PTPRD: variants seen among roughly 807,000 people sequenced by gnomAD.
PTPRD encodes the protein receptor-type tyrosine-protein phosphatase delta.
A neutral mutation model predicts 214.5 loss-of-function variants in PTPRD; 34 were observed. The ratio of observed to expected loss-of-function variants is 0.16; its 90% CI spans 0.12 to 0.21. The LOEUF is 0.21. PTPRD is among the 10% of genes least tolerant of loss of function. The probability of loss-of-function intolerance (pLI) is 1.00; values close to 1 mark genes in which losing one functional copy is unlikely to be tolerated. For synonymous variants in PTPRD, 1,128 were observed against 845.7 expected (o/e 1.33, Z -5.79); for missense variants, 2,545 against 2,398.7 (o/e 1.06, Z -1.27).
intron 11 of PTPRD, among the ~76,000 whole-genome samples, chr9:8,842,181 T>C (rs2097571885): frequency 6.6e-6 from 1 of 151,908 alleles, no homozygotes; most frequent in African/African-American, 2.4e-5. Context: ...ACGCTCCCTG[T>C]AGGAGGTGAC....
intron 11 of PTPRD, among the ~76,000 whole-genome samples, chr9:8,745,726 A>G (rs2092719343): frequency 6.6e-6 from 1 of 152,222 alleles, no homozygotes; most frequent in African/African-American, 2.4e-5. Flanking sequence ...ACACATGTTT[A>G]TACCACCTTA....
intron 11 of PTPRD, among the ~76,000 whole-genome samples, chr9:8,915,037 A>G (rs781437681): frequency 6.6e-6 from 1 of 152,194 alleles, no homozygotes; most frequent in Non-Finnish European, 1.5e-5. Flanking sequence ...GAACTATAAA[A>G]CATCTAGTGT....
At chr9:9,888,801 G>A (rs778848325) in intron 5 of PTPRD, among the ~76,000 whole-genome samples, 3 of 152,022 alleles carry the variant, frequency 2.0e-5, no homozygotes, top group African/African-American at 7.2e-5. Context: ...AATGGACTAA[G>A]ACAGATAGGG....
intron 11 of PTPRD, among the ~76,000 whole-genome samples, chr9:8,762,774 G>A (rs2154477821): frequency 6.6e-6 from 1 of 152,300 alleles, no homozygotes; most frequent in East Asian, 1.9e-4. Context: ...TTATGGCAGG[G>A]AGAAATTTTT....
intron 5 of PTPRD, among the ~76,000 whole-genome samples, chr9:9,790,799 G>A (rs1450146142): frequency 1.3e-5 from 2 of 152,056 alleles, no homozygotes; most frequent in Non-Finnish European, 2.9e-5. Context: ...TGTTTCAGTA[G>A]TTGCCTAGAA....
intron 11 of PTPRD, among the ~76,000 whole-genome samples, chr9:8,974,027 G>A (rs1220539911): frequency 2.0e-5 from 3 of 152,028 alleles, no homozygotes; most frequent in Non-Finnish European, 4.4e-5. Context: ...TCTGTCCATA[G>A]TTTCTTTTGT....
chr9:9,681,867 A>C (rs546645096), intron 7 of PTPRD, among the ~76,000 whole-genome samples: 29 of 151,856 alleles, frequency 1.9e-4, no homozygotes, highest in Non-Finnish European at 3.4e-4. Context: ...CAGAACATAG[A>C]ATCTGTTGAC....
chr9:9,091,357 G>C (rs2099775571), intron 10 of PTPRD: 3 of 709,318 alleles, frequency 4.2e-6, no homozygotes, highest in Admixed American at 4.2e-5. Flanking sequence ...TTCTGGAACT[G>C]TACATTTCTG....
chr9:9,785,005 A>T (rs1207981492), intron 5 of PTPRD, among the ~76,000 whole-genome samples: 1 of 151,720 alleles, frequency 6.6e-6, no homozygotes, highest in African/African-American at 2.4e-5. Flanking sequence ...CGGTTTAGCT[A>T]AAAACATGTT....
intron 12 of PTPRD, among the ~76,000 whole-genome samples, chr9:8,659,085 A>G (rs977484154): frequency 2.7e-5 from 4 of 150,058 alleles, no homozygotes; most frequent in African/African-American, 9.8e-5. Flanking sequence ...AAAAAAAAAA[A>G]GTGACAAAAT....
At chr9:9,054,873 G>T (rs1162452379) in intron 10 of PTPRD, among the ~76,000 whole-genome samples, 1 of 152,048 alleles carries the variant, frequency 6.6e-6, no homozygotes, top group African/African-American at 2.4e-5. Context: ...TTGTGCAAGG[G>T]AACACAAAGA....
intron 8 of PTPRD, among the ~76,000 whole-genome samples, chr9:9,475,792 GT>G (rs2146786654): frequency 6.6e-6 from 1 of 152,302 alleles, no homozygotes; most frequent in South Asian, 2.1e-4. Flanking sequence ...TAAGTCTTGT[GT>G]GTGACTTGGC....
chr9:10,464,358 C>G (rs1300288199), intron 2 of PTPRD, among the ~76,000 whole-genome samples: 1 of 149,246 alleles, frequency 6.7e-6, no homozygotes, highest in Non-Finnish European at 1.5e-5. Context: ...CCAGCCTGAG[C>G]GATGGAGTGA....
At chr9:10,372,561 G>A (rs2097648172) in intron 2 of PTPRD, among the ~76,000 whole-genome samples, 1 of 151,948 alleles carries the variant, frequency 6.6e-6, no homozygotes, top group African/African-American at 2.4e-5. Flanking sequence ...TCATACCCAT[G>A]ACATTTTCTA....
chr9:8,540,456 T>C (rs973536913), intron 14 of PTPRD, among the ~76,000 whole-genome samples: 2 of 152,036 alleles, frequency 1.3e-5, no homozygotes, highest in African/African-American at 2.4e-5. Context: ...TGAACAAAAT[T>C]GAGTGATAAC....
chr9:9,915,587 T>C (rs1469151835), intron 5 of PTPRD, among the ~76,000 whole-genome samples: 2 of 147,714 alleles, frequency 1.4e-5, no homozygotes, highest in Non-Finnish European at 3.0e-5. Context: ...TTCAATTAAT[T>C]TAAAAAAATA....
chr9:10,091,017 C>T (rs988071705), intron 3 of PTPRD, among the ~76,000 whole-genome samples: 1 of 150,358 alleles, frequency 6.7e-6, no homozygotes, highest in Non-Finnish European at 1.5e-5. Context: ...CCATTTCTGA[C>T]ATTAGTCGCT....
chr9:8,484,107 C>T lies in PTPRD; in HGVS notation c.3413+12G>A, dbSNP rs1380664474. 1 of 1,609,906 alleles carries T rather than the reference C, an allele frequency of 6.2e-7. No individual in the cohort carries two copies. Among genetic ancestry groups the T allele is most frequent in the Non-Finnish European group, 8.5e-7 (1 of 1,176,702 alleles). ...ATTCTTTCCTTCAGCCCTAAGCCTTCAATCAACTTACTTTATATTCTCATT... is the reference window on the plus strand; with the variant it reads ...ATTCTTTCCTTCAGCCCTAAGCCTTTAATCAACTTACTTTATATTCTCATT... On this transcript the variant is annotated intron_variant, in intron 30 of 45. Coordinates refer to ENST00000381196, the MANE Select transcript of PTPRD (RefSeq NM_002839.4).
intron 35 of PTPRD, among the ~76,000 whole-genome samples, chr9:8,425,669 G>GTT (rs140380255): frequency 2.0e-5 from 3 of 151,412 alleles, no homozygotes; most frequent in Non-Finnish European, 4.4e-5. Context: ...TTGTTTTTTT[G>GTT]TTTTTTTTCT....
Sources: allele counts gnomAD v4.1 joint callset (sites outside exome capture counted in the v4.1 genomes callset), GRCh38; gene constraint gnomAD v4.1.1; transcripts MANE v1.5; gene names NCBI Gene and HGNC (gene_info 2026-07-23, HGNC 2026-07-21).